Variants in FAF1 observed in about 807,000 individuals in gnomAD.
FAF1 encodes the protein FAS-associated factor 1.
In FAF1, 25 loss-of-function variants were observed where a neutral mutation model predicts 92.5. The ratio of observed to expected loss-of-function variants is 0.27; its 90% CI spans 0.20 to 0.38. The LOEUF is 0.38. Ranked by LOEUF, FAF1 falls within the 10% of genes least tolerant of loss-of-function variation. FAF1 has a pLI of 1.00. For synonymous variants in FAF1, 234 were observed against 273.2 expected, an observed-to-expected ratio of 0.86 and a Z score of 1.42; for missense variants, 636 against 793.3, an observed-to-expected ratio of 0.80 and a Z score of 2.38.
chr1:50,585,125 T>A (rs1484875904), intron 9 of FAF1, among the ~76,000 whole-genome samples: 1 of 152,152 alleles, frequency 6.6e-6, no homozygotes, highest in African/African-American at 2.4e-5. Context: ...AGAAAATGGG[T>A]ACAACTGGAG....
chr1:50,875,846 A>G (rs1421284457), intron 1 of FAF1, among the ~76,000 whole-genome samples: 1 of 152,088 alleles, frequency 6.6e-6, no homozygotes, highest in East Asian at 1.9e-4. Context: ...CCTTTGACCA[A>G]TACCTCCCCA....
intron 2 of FAF1, among the ~76,000 whole-genome samples, chr1:50,848,485 T>C (rs184051252): frequency 1.4e-3 from 219 of 152,350 alleles, no homozygotes; most frequent in Non-Finnish European, 1.1e-3. Context: ...GGCAAAAGTT[T>C]AATAAGAAAC....
intron 18 of FAF1, among the ~76,000 whole-genome samples, chr1:50,451,616 G>A (rs540259232): frequency 2.0e-5 from 3 of 152,304 alleles, no homozygotes; most frequent in Non-Finnish European, 2.9e-5. Flanking sequence ...TGTACCCTTC[G>A]TGTAACTGAA....
At chr1:50,795,639 T>C (rs547739508) in intron 3 of FAF1, among the ~76,000 whole-genome samples, 2 of 152,328 alleles carry the variant, frequency 1.3e-5, no homozygotes, top group African/African-American at 2.4e-5. Flanking sequence ...AGAAAACACA[T>C]GTATGGGAAT....
intron 4 of FAF1, among the ~76,000 whole-genome samples, chr1:50,778,902 G>C (rs993665787): frequency 2.0e-5 from 3 of 151,896 alleles, no homozygotes; most frequent in South Asian, 2.1e-4. Context: ...TTCATGAAAA[G>C]TTTTGCTGTA....
chr1:50,852,988 T>G (rs1444208114), intron 2 of FAF1, among the ~76,000 whole-genome samples: 2 of 152,142 alleles, frequency 1.3e-5, no homozygotes, highest in Admixed American at 1.3e-4. Flanking sequence ...TAACTTATCT[T>G]TTGTTGTAGC....
chr1:50,786,123 C>T (rs1443908208), intron 4 of FAF1, among the ~76,000 whole-genome samples: 2 of 146,254 alleles, frequency 1.4e-5, no homozygotes, highest in Non-Finnish European at 3.1e-5. Context: ...CAGTGTGAGA[C>T]CCTGTCTCAA....
intron 15 of FAF1, among the ~76,000 whole-genome samples, chr1:50,533,973 T>C (rs563441829): frequency 6.6e-6 from 1 of 152,326 alleles, no homozygotes; most frequent in African/African-American, 2.4e-5. Flanking sequence ...CTGAAAAGTA[T>C]AGATAATCAT....
At chr1:50,807,453 G>T (rs899986118) in intron 2 of FAF1, among the ~76,000 whole-genome samples, 1 of 152,156 alleles carries the variant, frequency 6.6e-6, no homozygotes, top group African/African-American at 2.4e-5. Context: ...ACTCAAGGGG[G>T]AAGTGCCACA....
Position 50,942,620 on chromosome 1 carries a change from T to TAA in FAF1, c.45+17146_45+17147insTT, listed in dbSNP as rs1032541508. Among the ~76,000 whole-genome samples the TAA allele has an allele frequency of 1.6e-4, 24 of 152,324 alleles. No individual in the cohort carries two copies. The Middle Eastern group carries it at 0.014, about 86-fold the overall frequency. On this transcript the variant is annotated intron_variant, in intron 1 of 18. Transcript: ENST00000396153. Reference sequence around the variant, plus strand: ...AAAAAAGCTAAGAATCCACCCTACTTACTGGCAAGCTAACAACCTGGCCTG... The same window carrying TAA: ...AAAAAAGCTAAGAATCCACCCTACTTAAACTGGCAAGCTAACAACCTGGCCTG...
chr1:50,588,210 G>A (rs914821623), intron 9 of FAF1, among the ~76,000 whole-genome samples: 7 of 152,146 alleles, frequency 4.6e-5, no homozygotes, highest in South Asian at 2.1e-4. Context: ...TCACTTGAAC[G>A]TGGGAGATGG....
intron 7 of FAF1, among the ~76,000 whole-genome samples, chr1:50,700,524 G>A (rs1657423032): frequency 6.6e-6 from 1 of 152,102 alleles, no homozygotes; most frequent in Non-Finnish European, 1.5e-5. Context: ...AGTGCATATT[G>A]TAAAACAGGA....
At chr1:50,778,922 G>A (rs759003875) in intron 4 of FAF1, among the ~76,000 whole-genome samples, 4 of 151,914 alleles carry the variant, frequency 2.6e-5, no homozygotes, top group Non-Finnish European at 5.9e-5. Context: ...AACATATGAT[G>A]CTGTTTGATA....
chr1:50,825,676 A>G (rs1468075430), intron 2 of FAF1, among the ~76,000 whole-genome samples: 2 of 152,192 alleles, frequency 1.3e-5, no homozygotes, highest in African/African-American at 4.8e-5. Flanking sequence ...AAAACCCGAC[A>G]TAATAACAAA....
rs1263683962 is a variant in FAF1, at chr1:50,582,515, AAAAAAC to A, written c.1113+97_1113+102del. The A allele has an allele frequency of 1.4e-5, 11 of 769,006 alleles. No individual in the cohort carries two copies. In the East Asian group the frequency reaches 1.5e-4, roughly 10 times the overall value. The allele number at this position is 769,006 out of a possible 1,614,324, so 47.6% of individuals were successfully genotyped here. ...TCGTGAAGAGTTCCATGTTTTTGGA[AAAAAAC>A]AAAAACAAAAACAGAAAACATTTAA... On this transcript the variant is annotated intron_variant, in intron 12 of 18. Coordinates refer to ENST00000396153, the MANE Select transcript of FAF1 (RefSeq NM_007051.3).
chr1:50,843,302 T>A (rs982331878), intron 2 of FAF1, among the ~76,000 whole-genome samples: 1 of 152,190 alleles, frequency 6.6e-6, no homozygotes, highest in African/African-American at 2.4e-5. Flanking sequence ...ATGGAGTACA[T>A]GGGATATTTT....
chr1:50,632,343 C>T (rs1317550968), intron 8 of FAF1, among the ~76,000 whole-genome samples: 1 of 152,184 alleles, frequency 6.6e-6, no homozygotes, highest in Admixed American at 6.5e-5. Context: ...CAAATCAGAT[C>T]TCCAGTTTTC....
At chr1:50,472,560 T>TA (rs1477443468) in intron 18 of FAF1, among the ~76,000 whole-genome samples, 1 of 152,118 alleles carries the variant, frequency 6.6e-6, no homozygotes, top group African/African-American at 2.4e-5. Flanking sequence ...AGTAAATGGT[T>TA]AGACAGCTCG....
At chr1:50,624,610 CAG>C (rs1349479292) in intron 8 of FAF1, among the ~76,000 whole-genome samples, 3 of 152,012 alleles carry the variant, frequency 2.0e-5, no homozygotes, top group Admixed American at 6.5e-5. Flanking sequence ...AACTGAAAAA[CAG>C]AGGGCTTCAA....
Sources: gnomAD v4.1 joint callset for allele counts (sites outside exome capture counted in the v4.1 genomes callset) on GRCh38, gnomAD v4.1.1 for gene constraint, MANE v1.5 for transcripts, NCBI Gene and HGNC (gene_info 2026-07-23, HGNC 2026-07-21) for gene names.